ZP2: variants seen among roughly 807,000 people sequenced by gnomAD.
ZP2 encodes zona pellucida sperm-binding protein 2.
In ZP2, 51 loss-of-function variants were observed where a neutral mutation model predicts 84.0. The observed-to-expected ratio is 0.61, with a 90% CI of 0.49 to 0.77. The LOEUF is 0.77. ZP2 is among the 30% of genes least tolerant of loss of function. The pLI is 0.00. For synonymous variants in ZP2, 375 were observed against 330.9 expected (o/e 1.13, Z -1.45); for missense variants, 909 against 911.9 (o/e 1.00, Z 0.04).
At chr16:21,201,634 C>A in intron 13 of ZP2, 72 bp downstream of exon 13, 1 of 1,610,044 alleles carries the variant, frequency 6.2e-7, no homozygotes, top group South Asian at 1.1e-5. Flanking sequence ...ATTAGTCTGG[C>A]AGTATCAGGA....
At position 21,204,221 on chromosome 16, in the gene ZP2, A is replaced by G. The variant is rs2152855426; in HGVS notation, c.791-10T>C. The G allele has an allele frequency of 3.1e-6, 5 of 1,614,120 alleles. No homozygotes were observed. The highest frequency in any genetic ancestry group is 2.5e-6 in the Non-Finnish European group (3 of 1,179,986). On this transcript the variant is annotated splice_polypyrimidine_tract_variant and intron_variant, in intron 8 of 18. Transcript: ENST00000574091. ...TTGCAGGTCACAGGATCTAGAAGGA[A>G]TGACAACAGAATGCCCATTACCAGC...
intron 5 of ZP2, 132 bp downstream of exon 5, chr16:21,206,706 C>G: frequency 8.3e-7 from 1 of 1,209,422 alleles, no homozygotes; most frequent in Admixed American, 2.0e-5. Flanking sequence ...AAAGTTAAAC[C>G]TCATCACACA....
intron 15 of ZP2, 25 bp downstream of exon 15, chr16:21,199,718 C>T (rs16971219): frequency 0.035 from 55,771 of 1,611,108 alleles, 3,601 homozygotes; most frequent in African/African-American, 0.26. Context: ...TTTAACCTGT[C>T]CCTGGTGACT....
At position 21,197,730 on chromosome 16, in the gene ZP2, CT is replaced by C. The variant is rs2093205896; in HGVS notation, c.2095+35del. 10 of 1,613,654 alleles carry C rather than the reference CT, an allele frequency of 6.2e-6. No individual in the cohort carries two copies. The Admixed American group carries it at 1.5e-4, about 24-fold the overall frequency. On this transcript the variant is annotated intron_variant, in intron 18 of 18. Coordinates refer to ENST00000574091, the MANE Select transcript of ZP2 (RefSeq NM_001376232.1). ...GGGGTAAAACTAAGCCTTCAACAGG[CT>C]TATTTCAGAAGTTTGCAACATTGAA...
chr16:21,210,187 C>T lies in ZP2; in HGVS notation c.157G>A (p.Val53Ile). Residue 53 changes from valine (V) to isoleucine (I), a missense_variant, in exon 3 of 19, where the codon GTC (valine) becomes ATC (isoleucine). Val to Ile is a conservative substitution (Grantham distance 29). Transcript: ENST00000574091. ...GTTATTTCCCTTTCATCGCAAGTGA[C>T]AGTGCCTAAGGAGCAAAGGAAGCAT... ...QLVNPAFPGT[V>I]TCDEREITVE... 3 of 1,614,028 alleles carry T rather than the reference C, an allele frequency of 1.9e-6. No homozygotes were observed. Among genetic ancestry groups the T allele is most frequent in the Non-Finnish European group, 2.5e-6 (3 of 1,179,966 alleles).
chr16:21,211,730 G>C (rs1034952331), upstream of ZP2: 1 of 1,498,576 alleles, frequency 6.7e-7, no homozygotes, highest in Middle Eastern at 2.4e-4. Flanking sequence ...CTTGCGCCGG[G>C]TATTCTGCCA....
Position 21,202,040 on chromosome 16 carries a change from A to T in ZP2, c.1288-17T>A. ...ATCTTCGAACTTAAATGTCAGAGAAAGTGGGTTAGCAGCCAGTTATGTCAA... is the reference window on the plus strand; with the variant it reads ...ATCTTCGAACTTAAATGTCAGAGAATGTGGGTTAGCAGCCAGTTATGTCAA... On this transcript the variant is annotated splice_polypyrimidine_tract_variant and intron_variant, in intron 11 of 18. Transcript: ENST00000574091. The T allele has an allele frequency of 2.5e-6, 4 of 1,613,866 alleles. No individual in the cohort carries two copies. The highest frequency in any genetic ancestry group is 3.4e-6 in the Non-Finnish European group (4 of 1,179,790).
At chr16:21,201,870 A>G in intron 12 of ZP2, 40 bp from the exon 13 acceptor site, 1 of 1,612,826 alleles carries the variant, frequency 6.2e-7, no homozygotes, top group Non-Finnish European at 8.5e-7. Context: ...AGAAAATTTC[A>G]GGTTAAAAAA....
In ZP2 at chr16:21,211,369, A is replaced by G. The variant is rs535254918; in HGVS notation, c.89T>C (p.Phe30Ser). 1 of 1,614,180 alleles carries G rather than the reference A, an allele frequency of 6.2e-7. No homozygotes were observed. Among genetic ancestry groups the G allele is most frequent in the South Asian group, 1.1e-5 (1 of 91,076 alleles). ...GGAGTTCCCTGAAGTCACAAGGGCGAAGAAGAGAGAAATCGACCTGTAGGT... is the reference window on the plus strand; with the variant it reads ...GGAGTTCCCTGAAGTCACAAGGGCGGAGAAGAGAGAAATCGACCTGTAGGT... ...WSTYRSISLF[F>S]ALVTSGNSID... The change falls in exon 2 of 19, where the codon TTC (phenylalanine) becomes TCC (serine). Residue 30 changes from phenylalanine (F) to serine (S), a missense_variant. Physicochemically the swap from Phe to Ser is radical, Grantham distance 155 (BLOSUM62 -2). Coordinates refer to ENST00000574091, the MANE Select transcript of ZP2 (RefSeq NM_001376232.1).
chr16:21,211,233 T>A, intron 2 of ZP2, 74 bp downstream of exon 2: 1 of 1,353,556 alleles, frequency 7.4e-7, no homozygotes, highest in Non-Finnish European at 1.1e-6. Flanking sequence ...GGCCTGTGTT[T>A]CTTGGCCAGC....
chr16:21,206,453 C>A (rs1239208200), intron 5 of ZP2, among the ~76,000 whole-genome samples: 1 of 152,176 alleles, frequency 6.6e-6, no homozygotes, highest in Non-Finnish European at 1.5e-5. Flanking sequence ...AGACTCTAAA[C>A]CCATGAAGAT....
chr16:21,199,530 T>G, intron 16 of ZP2, 40 bp downstream of exon 16: 10 of 1,499,200 alleles, frequency 6.7e-6, no homozygotes, highest in Non-Finnish European at 9.0e-6. Context: ...GATACTTGCT[T>G]TGAATTAGAC....
At chr16:21,198,954 A>C in intron 16 of ZP2, 92 bp from the exon 17 acceptor site, 1 of 1,153,830 alleles carries the variant, frequency 8.7e-7, no homozygotes, top group Non-Finnish European at 1.3e-6. Context: ...AGCTCTCTGG[A>C]GTATTTTGTT....
intron 14 of ZP2, among the ~76,000 whole-genome samples, chr16:21,200,416 G>T (rs757484933): frequency 1.3e-5 from 2 of 152,166 alleles, no homozygotes; most frequent in African/African-American, 2.4e-5. Flanking sequence ...CCAGCCTGGG[G>T]GACAAGAGTG....
chr16:21,203,577 G>A (rs1053607740), intron 9 of ZP2, among the ~76,000 whole-genome samples: 4 of 152,182 alleles, frequency 2.6e-5, no homozygotes, highest in African/African-American at 4.8e-5. Flanking sequence ...CTCTACAGAT[G>A]TTATAAAATG....
At chr16:21,203,032 TAGATCAGAATC>T (rs1431883778) in intron 10 of ZP2, 82 bp downstream of exon 10, 79 of 1,453,390 alleles carry the variant, frequency 5.4e-5, no homozygotes, top group Non-Finnish European at 7.0e-5. Flanking sequence ...CTATAAGCAA[TAGATCAGAATC>T]TGACCTTCTA....
In ZP2 at chr16:21,204,098, T is replaced by C; in HGVS notation, c.904A>G (p.Asn302Asp). The change falls in exon 9 of 19, where the codon AAT (asparagine) becomes GAT (aspartate). Residue 302 changes from asparagine (N) to aspartate (D), a missense_variant. Coordinates refer to ENST00000574091, the MANE Select transcript of ZP2 (RefSeq NM_001376232.1). ...TTTGTTGCTTCTAGATCAATTCCAT[T>C]GTCATGCAGCTGGCTCACATCAATG... The part of the protein sequence containing the change: ...QNIDVSQLHD[N>D]GIDLEATNGM... 6.2e-7 allele frequency: 1 copy of C among 1,614,208 alleles called. No homozygotes were observed. Among genetic ancestry groups the C allele is most frequent in the Non-Finnish European group, 8.5e-7 (1 of 1,180,028 alleles).
chr16:21,208,832 A>G (rs1239022358), intron 4 of ZP2, among the ~76,000 whole-genome samples: 6 of 152,282 alleles, frequency 3.9e-5, no homozygotes, highest in Admixed American at 2.6e-4. Flanking sequence ...AATCTGTAGA[A>G]CATCATTAGT....
chr16:21,204,394 CTG>C lies in ZP2; in HGVS notation c.702_703del (p.Asn234LysfsTer51). The C allele has an allele frequency of 6.2e-7, 1 of 1,613,598 alleles. No homozygotes were observed. The highest frequency in any genetic ancestry group is 8.5e-7 in the Non-Finnish European group (1 of 1,179,682). ...CTTCAGAGACACCATGTAGAGATGACTGTTACCTTGCTAGGGGGAGAAATAAC... is the reference window on the plus strand; with the variant it reads ...CTTCAGAGACACCATGTAGAGATGACTTACCTTGCTAGGGGGAGAAATAAC... On this transcript the variant is annotated frameshift_variant, in exon 8 of 19. Coordinates refer to ENST00000574091, the MANE Select transcript of ZP2 (RefSeq NM_001376232.1). LOFTEE classifies it high-confidence loss of function.
Sources: allele counts gnomAD v4.1 joint callset (sites outside exome capture counted in the v4.1 genomes callset), GRCh38; gene constraint gnomAD v4.1.1; transcripts MANE v1.5; gene names NCBI Gene and HGNC (gene_info 2026-07-23, HGNC 2026-07-21).